The following ZDHHC14 variants were observed in gnomAD, a reference collection of about 807,000 sequenced individuals.
ZDHHC14 encodes the protein palmitoyltransferase ZDHHC14.
In ZDHHC14, 16 loss-of-function variants were observed where a neutral mutation model predicts 47.7. The observed-to-expected ratio is 0.34, with a 90% CI of 0.23 to 0.51. The LOEUF (loss-of-function observed/expected upper bound fraction) is 0.51. ZDHHC14 is among the 20% of genes least tolerant of loss of function. ZDHHC14 has a pLI of 0.97. For synonymous variants in ZDHHC14, 293 were observed against 278.9 expected, an observed-to-expected ratio of 1.05 and a Z score of -0.50; for missense variants, 515 against 662.5, an observed-to-expected ratio of 0.78 and a Z score of 2.44.
At chr6:157,462,590 G>A (rs1489159134) in intron 1 of ZDHHC14, among the ~76,000 whole-genome samples, 1 of 152,198 alleles carries the variant, frequency 6.6e-6, no homozygotes, top group East Asian at 1.9e-4. Context: ...GTATTCTCTG[G>A]CTTCAGAGGA....
At chr6:157,400,998 C>A (rs1443486354) in intron 1 of ZDHHC14, among the ~76,000 whole-genome samples, 1 of 152,240 alleles carries the variant, frequency 6.6e-6, no homozygotes, top group Non-Finnish European at 1.5e-5. Flanking sequence ...GTCTTTCTAG[C>A]ACTGCATTGA....
chr6:157,509,787 T>C (rs574638342), intron 1 of ZDHHC14, among the ~76,000 whole-genome samples: 2 of 152,318 alleles, frequency 1.3e-5, no homozygotes, highest in South Asian at 2.1e-4. Context: ...AAAAATATAA[T>C]GTTTGCAGAC....
In ZDHHC14 at chr6:157,554,498, C is replaced by T. The variant is rs559310062; in HGVS notation, c.406+11753C>T. On this transcript the variant is annotated intron_variant, in intron 2 of 8. Transcript: ENST00000359775. The stretch of plus-strand genomic sequence containing the variant: ...GATGTGTATTTGGTATAAAAGAGTA[C>T]TAATGGAAGATTTTACGTTCTTTTG... Among the ~76,000 whole-genome samples, 4 of 152,262 alleles carry T rather than the reference C, an allele frequency of 2.6e-5. No homozygotes were observed. In the South Asian group the frequency reaches 8.3e-4, roughly 32 times the overall value.
At chr6:157,390,972 G>A (rs1777408684) in intron 1 of ZDHHC14, among the ~76,000 whole-genome samples, 1 of 152,090 alleles carries the variant, frequency 6.6e-6, no homozygotes, top group African/African-American at 2.4e-5. Context: ...GAATTATAAA[G>A]TCTATAGTAA....
rs748770630 is a variant in ZDHHC14 at position 157,440,241 on chromosome 6, A to G, written c.245+57975A>G. Reference sequence around the variant, plus strand: ...GAAATACACACAGCCCAATTTAAAAATGGACAAAAGGCTCAAATAGACATT... The same window carrying G: ...GAAATACACACAGCCCAATTTAAAAGTGGACAAAAGGCTCAAATAGACATT... On this transcript the variant is annotated intron_variant, in intron 1 of 8. Transcript: ENST00000359775. Among the ~76,000 whole-genome samples the G allele has an allele frequency of 5.3e-5, 8 of 152,198 alleles. 1 individual carries two copies. The South Asian group carries it at 8.3e-4, about 16-fold the overall frequency.
chr6:157,661,840 T>C (rs1778355005), intron 8 of ZDHHC14, among the ~76,000 whole-genome samples: 1 of 152,254 alleles, frequency 6.6e-6, no homozygotes, highest in South Asian at 2.1e-4. Flanking sequence ...TTTTATTTTT[T>C]TGAGACGGAG....
intron 1 of ZDHHC14, among the ~76,000 whole-genome samples, chr6:157,385,518 C>G (rs762962941): frequency 6.6e-6 from 1 of 152,238 alleles, no homozygotes; most frequent in Non-Finnish European, 1.5e-5. Context: ...TTAGCCCTCC[C>G]CTGTCTGCAA....
intron 1 of ZDHHC14, among the ~76,000 whole-genome samples, chr6:157,504,061 T>C (rs1358562993): frequency 6.6e-6 from 1 of 152,080 alleles, no homozygotes; most frequent in African/African-American, 2.4e-5. Context: ...AGCAAAAAAC[T>C]GGAAACAATA....
At chr6:157,640,240 G>T (rs886949870) in intron 5 of ZDHHC14, among the ~76,000 whole-genome samples, 2 of 152,212 alleles carry the variant, frequency 1.3e-5, no homozygotes, top group African/African-American at 4.8e-5. Context: ...ATGACTTATT[G>T]TTCAGCTCTC....
intron 5 of ZDHHC14, among the ~76,000 whole-genome samples, chr6:157,638,657 G>A (rs949214005): frequency 2.0e-5 from 3 of 152,262 alleles, no homozygotes; most frequent in Non-Finnish European, 4.4e-5. Flanking sequence ...CCTGGGCCCT[G>A]GAAGGATGAC....
intron 1 of ZDHHC14, among the ~76,000 whole-genome samples, chr6:157,495,695 A>ATTTTTTT (rs71027341): frequency 4.9e-4 from 51 of 104,346 alleles, no homozygotes; most frequent in African/African-American, 1.8e-3. Context: ...TTCGGGTTGA[A>ATTTTTTT]TTTTTTTTTT....
intron 1 of ZDHHC14, among the ~76,000 whole-genome samples, chr6:157,413,535 A>T (rs912428286): frequency 6.8e-6 from 1 of 147,672 alleles, no homozygotes; most frequent in Non-Finnish European, 1.5e-5. Context: ...TTTCAGAAAG[A>T]TTTTTTTTTT....
At chr6:157,480,797 T>C (rs567740151) in intron 1 of ZDHHC14, among the ~76,000 whole-genome samples, 15 of 147,716 alleles carry the variant, frequency 1.0e-4, no homozygotes, top group Non-Finnish European at 2.2e-4. Flanking sequence ...CTGGGTTATG[T>C]GCTCAGAGAA....
chr6:157,444,311 C>T (rs75400245), intron 1 of ZDHHC14, among the ~76,000 whole-genome samples: 33,722 of 152,098 alleles, frequency 0.22, 4,174 homozygotes, highest in African/African-American at 0.32. Context: ...TGTTTGGTAG[C>T]GGACACCACG....
Position 157,667,114 on chromosome 6 carries a change from T to C in ZDHHC14, c.1069-5610T>C, listed in dbSNP as rs374840537. Among the ~76,000 whole-genome samples, 73 of 152,346 alleles carry C rather than the reference T, an allele frequency of 4.8e-4. 1 individual carries two copies. Among genetic ancestry groups the C allele is most frequent in the African/African-American group, 1.5e-3 (61 of 41,594 alleles). On this transcript the variant is annotated intron_variant, in intron 8 of 8. Coordinates refer to ENST00000359775, the MANE Select transcript of ZDHHC14 (RefSeq NM_024630.3). Reference sequence around the variant, plus strand: ...ATTGGTAATGTCATATGATTCAACCTAATATTTGATACATATGAACTTTTA... The same window carrying C: ...ATTGGTAATGTCATATGATTCAACCCAATATTTGATACATATGAACTTTTA...
At chr6:157,520,733 T>C (rs1780882589) in intron 1 of ZDHHC14, among the ~76,000 whole-genome samples, 1 of 152,242 alleles carries the variant, frequency 6.6e-6, no homozygotes, top group South Asian at 2.1e-4. Flanking sequence ...AACAACCCAG[T>C]AGTCACCAAA....
intron 1 of ZDHHC14, among the ~76,000 whole-genome samples, chr6:157,392,398 GC>G (rs1008908561): frequency 2.0e-5 from 3 of 151,856 alleles, no homozygotes; most frequent in African/African-American, 4.8e-5. Flanking sequence ...AATACTTTGT[GC>G]TTTGAAGCTC....
At chr6:157,498,103 A>G (rs1051205162) in intron 1 of ZDHHC14, among the ~76,000 whole-genome samples, 1 of 152,170 alleles carries the variant, frequency 6.6e-6, no homozygotes, top group Non-Finnish European at 1.5e-5. Context: ...TGCTTTGAAA[A>G]CTAAAATGAT....
chr6:157,592,195 A>G (rs547445057), intron 2 of ZDHHC14, among the ~76,000 whole-genome samples: 1 of 152,154 alleles, frequency 6.6e-6, no homozygotes, highest in Admixed American at 6.5e-5. Flanking sequence ...AAAAGCTCCC[A>G]TGTGATCCTA....
Sources: gnomAD v4.1 joint callset for allele counts (sites outside exome capture counted in the v4.1 genomes callset) on GRCh38, gnomAD v4.1.1 for gene constraint, MANE v1.5 for transcripts, NCBI Gene and HGNC (gene_info 2026-07-23, HGNC 2026-07-21) for gene names.